RGL1: variants seen among roughly 807,000 people sequenced by gnomAD.
RGL1 encodes the protein ral guanine nucleotide dissociation stimulator like 1, also known as ral guanine nucleotide dissociation stimulator-like 1.
Under a neutral mutation model 95.2 loss-of-function variants are expected in RGL1, and 24 were observed. The observed-to-expected ratio is 0.25, with a 90% CI of 0.18 to 0.35. The LOEUF is 0.35. Among genes scored for constraint, RGL1 ranks in the 10% least tolerant of loss-of-function variants. The pLI, the probability that RGL1 is intolerant of heterozygous loss-of-function variation, is 1.00. For missense variants in RGL1, 715 were observed against 936.3 expected (o/e 0.76, Z 3.08); for synonymous variants, 329 against 344.9 (o/e 0.95, Z 0.51).
intron 8 of RGL1, 25 bp downstream of exon 8, chr1:183,888,602 C>A: frequency 6.9e-7 from 1 of 1,459,094 alleles, no homozygotes; most frequent in Non-Finnish European, 9.6e-7. Context: ...GTTTGCTCTG[C>A]TTTTCTTTGG....
At chr1:183,911,767 G>A (rs1302017140) in intron 14 of RGL1, among the ~76,000 whole-genome samples, 3 of 152,120 alleles carry the variant, frequency 2.0e-5, no homozygotes, top group African/African-American at 7.2e-5. Context: ...GGAAGTGATG[G>A]GGGTATGCTG....
intron 2 of RGL1, among the ~76,000 whole-genome samples, chr1:183,743,981 G>T (rs1216560761): frequency 6.6e-6 from 1 of 152,124 alleles, no homozygotes; most frequent in African/African-American, 2.4e-5. Context: ...AACTGCTCAG[G>T]GTGCCAATCC....
chr1:183,843,555 T>C (rs1336173304), intron 2 of RGL1, among the ~76,000 whole-genome samples: 2 of 152,242 alleles, frequency 1.3e-5, no homozygotes, highest in Non-Finnish European at 2.9e-5. Context: ...TTCTCTGTGT[T>C]TGAATTTTGG....
At position 183,806,044 on chromosome 1, in the gene RGL1, GA is replaced by G. The variant is rs1263940319; in HGVS notation, c.28-330del. Among the ~76,000 whole-genome samples, 74 of 117,236 alleles carry G rather than the reference GA, an allele frequency of 6.3e-4. 1 individual carries two copies. Among genetic ancestry groups the G allele is most frequent in the African/African-American group, 2.5e-3 (74 of 30,174 alleles). The allele number at this position is 117,236 out of a possible 152,430, so 76.9% of individuals were successfully genotyped here. On this transcript the variant is annotated intron_variant, in intron 1 of 17. Transcript: ENST00000360851. Reference sequence around the variant, plus strand: ...ATTATTTTTCCTTTCACTTAAGGGGGACAAGTTAATCAGGACTAATCTAGTT... The same window carrying G: ...ATTATTTTTCCTTTCACTTAAGGGGGCAAGTTAATCAGGACTAATCTAGTT...
At chr1:183,636,352 C>T in exon 1 of RGL1, 1 of 395,042 alleles carries the variant, frequency 2.5e-6, no homozygotes, top group East Asian at 3.6e-5. Context: ...CTGCTAGAGG[C>T]TGCGTTCCTG....
intron 16 of RGL1, 101 bp downstream of exon 16, chr1:183,916,802 A>G (rs1669007437): frequency 7.5e-7 from 1 of 1,334,510 alleles, no homozygotes; most frequent in East Asian, 2.3e-5. Context: ...CACACTCAAT[A>G]TTAGCATATA....
chr1:183,707,878 T>G (rs1572307269), intron 1 of RGL1, among the ~76,000 whole-genome samples: 10 of 139,496 alleles, frequency 7.2e-5, no homozygotes, highest in African/African-American at 1.6e-4. Flanking sequence ...GAAAAAGAGG[T>G]GGGGTGGGGA....
intron 2 of RGL1, among the ~76,000 whole-genome samples, chr1:183,823,239 G>A (rs1183438616): frequency 6.6e-6 from 1 of 151,756 alleles, no homozygotes; most frequent in African/African-American, 2.4e-5. Context: ...TAAATATATT[G>A]CCCCCAAGAC....
At chr1:183,924,519 A>G (rs542146404) in intron 17 of RGL1, among the ~76,000 whole-genome samples, 53 of 152,252 alleles carry the variant, frequency 3.5e-4, no homozygotes, top group Middle Eastern at 3.4e-3. Context: ...GAAATACCTA[A>G]TGTAGATGGC....
At chr1:183,682,918 TG>T (rs1368384510) in intron 1 of RGL1, among the ~76,000 whole-genome samples, 5 of 152,350 alleles carry the variant, frequency 3.3e-5, no homozygotes, top group Non-Finnish European at 4.4e-5. Flanking sequence ...TTTATTATAA[TG>T]TAATGCCCTT....
chr1:183,710,974 T>G (rs1160021711), intron 1 of RGL1, among the ~76,000 whole-genome samples: 1 of 152,198 alleles, frequency 6.6e-6, no homozygotes, highest in Non-Finnish European at 1.5e-5. Flanking sequence ...TACATATGTC[T>G]TCTCTCTCCT....
chr1:183,678,177 A>C (rs1210200973), intron 1 of RGL1, among the ~76,000 whole-genome samples: 1 of 152,130 alleles, frequency 6.6e-6, no homozygotes, highest in Non-Finnish European at 1.5e-5. Context: ...GCTTTTCCTC[A>C]TACGAATGAA....
intron 1 of RGL1, among the ~76,000 whole-genome samples, chr1:183,728,867 C>A (rs1656462244): frequency 6.6e-6 from 1 of 152,046 alleles, no homozygotes; most frequent in African/African-American, 2.4e-5. Flanking sequence ...ACAAAGATGC[C>A]AAGGTAATTC....
At chr1:183,810,019 T>C (rs1200910844) in intron 2 of RGL1, among the ~76,000 whole-genome samples, 2 of 152,218 alleles carry the variant, frequency 1.3e-5, no homozygotes, top group Non-Finnish European at 2.9e-5. Flanking sequence ...AAGAGCAAAG[T>C]GTCAAAACTT....
chr1:183,872,137 A>C lies in RGL1; in HGVS notation c.425+6064A>C, dbSNP rs12074898. Among the ~76,000 whole-genome samples, 128 of 152,328 alleles carry C rather than the reference A, an allele frequency of 8.4e-4. 1 individual carries two copies. In the East Asian group the frequency reaches 0.019, roughly 22 times the overall value. Reference sequence around the variant, plus strand: ...TGACATTTTTACACGATAAAATGCTATCTTTTTAAATAATAAAATCTGAAC... The same window carrying C: ...TGACATTTTTACACGATAAAATGCTCTCTTTTTAAATAATAAAATCTGAAC... On this transcript the variant is annotated intron_variant, in intron 4 of 17. Coordinates refer to ENST00000360851, the MANE Select transcript of RGL1 (RefSeq NM_001297671.3).
At chr1:183,675,679 C>T (rs1444609632) in intron 1 of RGL1, among the ~76,000 whole-genome samples, 1 of 152,178 alleles carries the variant, frequency 6.6e-6, no homozygotes, top group Non-Finnish European at 1.5e-5. Context: ...TTTTGAACAG[C>T]TCTGGCTGTT....
chr1:183,711,568 A>G (rs1655270308), intron 1 of RGL1, among the ~76,000 whole-genome samples: 1 of 152,158 alleles, frequency 6.6e-6, no homozygotes, highest in South Asian at 2.1e-4. Flanking sequence ...GTAAGGTTGA[A>G]TGGGGTACAA....
chr1:183,798,213 G>A (rs961964297), intron 2 of RGL1, among the ~76,000 whole-genome samples: 37 of 152,252 alleles, frequency 2.4e-4, no homozygotes, highest in Admixed American at 1.3e-3. Flanking sequence ...TCTCAGGACT[G>A]CTTTCTTCTA....
intron 10 of RGL1, among the ~76,000 whole-genome samples, chr1:183,898,200 C>T (rs75244511): frequency 0.012 from 1,831 of 152,262 alleles, 35 homozygotes; most frequent in African/African-American, 0.041. Flanking sequence ...CAGTCTCTTC[C>T]GCCCCCTCCT....
Sources: allele counts gnomAD v4.1 joint callset (sites outside exome capture counted in the v4.1 genomes callset), GRCh38; gene constraint gnomAD v4.1.1; transcripts MANE v1.5; gene names NCBI Gene and HGNC (gene_info 2026-07-23, HGNC 2026-07-21).